Variants in LRBA observed in about 807,000 individuals in gnomAD.
LRBA encodes lipopolysaccharide-responsive and beige-like anchor protein.
Under a neutral mutation model 330.0 loss-of-function variants are expected in LRBA, and 176 were observed. The ratio of observed to expected loss-of-function variants is 0.53; its 90% confidence interval spans 0.47 to 0.60. The LOEUF is 0.60. Among genes scored for constraint, LRBA ranks in the 20% least tolerant of loss-of-function variants. The pLI is 0.00. For missense variants in LRBA, 3,259 were observed against 3,444.8 expected, an observed-to-expected ratio of 0.95 and a Z score of 1.35; for synonymous variants, 1,230 against 1,193.0, an observed-to-expected ratio of 1.03 and a Z score of -0.64.
chr4:150,531,617 A>G (rs1764062797), intron 40 of LRBA, among the ~76,000 whole-genome samples: 3 of 152,184 alleles, frequency 2.0e-5, no homozygotes. Context: ...CTAGCATGTA[A>G]CAGGCACTCA....
chr4:150,770,852 C>T (rs374423588), intron 34 of LRBA, among the ~76,000 whole-genome samples: 8 of 152,162 alleles, frequency 5.3e-5, no homozygotes, highest in Admixed American at 5.2e-4. Context: ...ATTACCAGTG[C>T]TCCTCAACTT....
intron 37 of LRBA, among the ~76,000 whole-genome samples, chr4:150,625,152 T>C (rs952150365): frequency 6.6e-6 from 1 of 152,146 alleles, no homozygotes; most frequent in Non-Finnish European, 1.5e-5. Context: ...TAGGAAATAG[T>C]GGGTGAGAAG....
chr4:150,595,169 T>C (rs1393661719), intron 38 of LRBA, among the ~76,000 whole-genome samples: 1 of 151,974 alleles, frequency 6.6e-6, no homozygotes, highest in African/African-American at 2.4e-5. Flanking sequence ...TTGTTCTAAT[T>C]GATTCCCCTC....
intron 37 of LRBA, among the ~76,000 whole-genome samples, chr4:150,647,833 T>C (rs528605270): frequency 1.3e-5 from 2 of 152,104 alleles, no homozygotes; most frequent in East Asian, 1.9e-4. Flanking sequence ...GATATTTATC[T>C]ACATCTATTA....
At chr4:150,912,301 G>A (rs1481446397) in intron 9 of LRBA, among the ~76,000 whole-genome samples, 1 of 152,126 alleles carries the variant, frequency 6.6e-6, no homozygotes, top group Admixed American at 6.6e-5. Flanking sequence ...TCACATTACT[G>A]CCTGAGCTCC....
At chr4:150,996,831 C>T (rs1742704185) in intron 2 of LRBA, among the ~76,000 whole-genome samples, 1 of 152,106 alleles carries the variant, frequency 6.6e-6, no homozygotes, top group Admixed American at 6.5e-5. Context: ...CTAACTATGA[C>T]ACTTGAGCAT....
At chr4:150,561,241 G>A (rs545293414) in intron 40 of LRBA, among the ~76,000 whole-genome samples, 79 of 152,190 alleles carry the variant, frequency 5.2e-4, no homozygotes, top group African/African-American at 1.8e-3. Flanking sequence ...TATTCCAAAT[G>A]AGAACTTTTT....
At chr4:150,382,643 C>T (rs190520777) in intron 47 of LRBA, among the ~76,000 whole-genome samples, 6 of 148,354 alleles carry the variant, frequency 4.0e-5, no homozygotes, top group Non-Finnish European at 1.5e-5. Flanking sequence ...AAAAAGAAGA[C>T]CAGGCTCTGA....
Position 150,685,316 on chromosome 4 carries a change from G to T in LRBA, c.5755-1599C>A, listed in dbSNP as rs188105031. Among the ~76,000 whole-genome samples the T allele has an allele frequency of 7.3e-3, 910 of 124,326 alleles. 13 individuals carry two copies. The highest frequency in any genetic ancestry group is 0.026 in the African/African-American group (847 of 32,236). 81.6% of individuals were successfully genotyped at this position (124,326 alleles called of 152,430 possible). A position where few individuals can be genotyped will look rare whatever the true frequency, so the allele number is the denominator to read the frequency against. On this transcript the variant is annotated intron_variant, in intron 36 of 56. Coordinates refer to ENST00000651943, the MANE Select transcript of LRBA (RefSeq NM_001364905.1). ...CCAGTAAAAACATCCAAAAAAATTG[G>T]TTTTTTTTGTTCCTTACACCAAAAG...
At chr4:150,429,373 G>C (rs1750068247) in intron 46 of LRBA, among the ~76,000 whole-genome samples, 1 of 152,068 alleles carries the variant, frequency 6.6e-6, no homozygotes, top group African/African-American at 2.4e-5. Context: ...TGTTTAGCTA[G>C]AACAGAGTGA....
intron 36 of LRBA, among the ~76,000 whole-genome samples, chr4:150,704,043 C>CA (rs1211513239): frequency 6.6e-6 from 1 of 151,260 alleles, no homozygotes; most frequent in South Asian, 2.1e-4. Flanking sequence ...CCCATCTCTA[C>CA]AAAAAAAAAT....
At chr4:150,745,914 G>C (rs917343463) in intron 35 of LRBA, among the ~76,000 whole-genome samples, 1 of 151,934 alleles carries the variant, frequency 6.6e-6, no homozygotes, top group Non-Finnish European at 1.5e-5. Flanking sequence ...CACTTAGATA[G>C]GTAGGATATT....
At chr4:150,632,314 A>C (rs1270820872) in intron 37 of LRBA, among the ~76,000 whole-genome samples, 1 of 152,052 alleles carries the variant, frequency 6.6e-6, no homozygotes, top group Non-Finnish European at 1.5e-5. Context: ...AAAGAAAAAT[A>C]CCAGCAACAG....
intron 46 of LRBA, chr4:150,423,302 A>G: frequency 1.3e-6 from 1 of 785,586 alleles, no homozygotes. Flanking sequence ...AAACATTCCT[A>G]ATCATCCTCT....
At chr4:150,369,820 C>T (rs1466824184) in intron 47 of LRBA, among the ~76,000 whole-genome samples, 1 of 152,112 alleles carries the variant, frequency 6.6e-6, no homozygotes, top group Non-Finnish European at 1.5e-5. Flanking sequence ...ATAGTACTGT[C>T]CTCCATGCCT....
At chr4:150,787,878 T>C (rs1359675745) in intron 34 of LRBA, among the ~76,000 whole-genome samples, 1 of 152,228 alleles carries the variant, frequency 6.6e-6, no homozygotes, top group Admixed American at 6.5e-5. Flanking sequence ...TTTTGCCTAT[T>C]GTGAACAGTG....
intron 37 of LRBA, among the ~76,000 whole-genome samples, chr4:150,670,151 T>TC (rs1441513030): frequency 6.6e-6 from 1 of 152,244 alleles, no homozygotes. Context: ...GCCTTAAGTT[T>TC]CAGTATTCAC....
rs187553833 is a variant in LRBA at position 150,802,404 on chromosome 4, T to C, written c.5518+3867A>G. Among the ~76,000 whole-genome samples, 23 of 151,434 alleles carry C rather than the reference T, an allele frequency of 1.5e-4. No homozygotes were observed. The East Asian group carries it at 4.5e-3, about 29-fold the overall frequency. Reference sequence around the variant, plus strand: ...ATAGTAAAGAATAGCTGATGTGTAATAGTGAAATAGCAAAATGTTTCAAGA... The same window carrying C: ...ATAGTAAAGAATAGCTGATGTGTAACAGTGAAATAGCAAAATGTTTCAAGA... On this transcript the variant is annotated intron_variant, in intron 33 of 56. Coordinates refer to ENST00000651943, the MANE Select transcript of LRBA (RefSeq NM_001364905.1).
At chr4:150,524,719 CT>C (rs1366246811) in intron 40 of LRBA, among the ~76,000 whole-genome samples, 1 of 152,130 alleles carries the variant, frequency 6.6e-6, no homozygotes, top group Non-Finnish European at 1.5e-5. Flanking sequence ...TAGATTGTCC[CT>C]TCAACTTACA....
Sources: allele counts gnomAD v4.1 joint callset (sites outside exome capture counted in the v4.1 genomes callset), GRCh38; gene constraint gnomAD v4.1.1; transcripts MANE v1.5; gene names NCBI Gene and HGNC (gene_info 2026-07-23, HGNC 2026-07-21).